The following SLIT3 variants were observed in gnomAD, a reference collection of about 807,000 sequenced individuals.
The protein encoded by SLIT3 is slit homolog 3 protein.
Under a neutral mutation model 184.0 loss-of-function variants are expected in SLIT3, and 68 were observed. The observed-to-expected ratio is 0.37, with a 90% CI of 0.30 to 0.45. SLIT3 has a LOEUF of 0.45. Among genes scored for constraint, SLIT3 ranks in the 20% least tolerant of loss-of-function variants. SLIT3 has a pLI of 1.00. For missense variants in SLIT3, 1,707 were observed against 2,026.0 expected, an observed-to-expected ratio of 0.84 and a Z score of 3.02; for synonymous variants, 831 against 828.6, an observed-to-expected ratio of 1.00 and a Z score of -0.05.
Position 168,711,285 on chromosome 5 carries a change from G to A in SLIT3, c.2556-227C>T, listed in dbSNP as rs530395410. Among the ~76,000 whole-genome samples the A allele has an allele frequency of 5.0e-4, 76 of 152,278 alleles. 1 individual carries two copies. In the South Asian group the frequency reaches 0.013, roughly 25 times the overall value. On this transcript the variant is annotated intron_variant, in intron 24 of 35. Transcript: ENST00000519560. Reference sequence around the variant, plus strand: ...TCCCAGCCCCTTCCACTTCTGAGGCGTGGCTCTCACCTACGCAAGTAAGAC... The same window carrying A: ...TCCCAGCCCCTTCCACTTCTGAGGCATGGCTCTCACCTACGCAAGTAAGAC...
At chr5:168,786,769 C>T (rs1207415176) in intron 11 of SLIT3, among the ~76,000 whole-genome samples, 1 of 152,094 alleles carries the variant, frequency 6.6e-6, no homozygotes, top group Non-Finnish European at 1.5e-5. Flanking sequence ...TTATGCCTGG[C>T]CCTTGCTGGT....
intron 3 of SLIT3, among the ~76,000 whole-genome samples, chr5:169,209,625 G>A (rs959879345): frequency 2.0e-5 from 3 of 152,220 alleles, no homozygotes; most frequent in African/African-American, 7.2e-5. Flanking sequence ...CATAGAAAAG[G>A]ATTAGTTCAC....
rs377582667 is a variant in SLIT3, at chr5:169,238,065, ATGTG to A, written c.341+6636_341+6639del. ...CTGGGCTCGCTATTCTGTCCCGTTG[ATGTG>A]TGTGTCTATTTTTTCACAAATATCA... On this transcript the variant is annotated intron_variant, in intron 3 of 35. Coordinates refer to ENST00000519560, the MANE Select transcript of SLIT3 (RefSeq NM_003062.4). Among the ~76,000 whole-genome samples the A allele has an allele frequency of 2.4e-4, 37 of 152,212 alleles. No homozygotes were observed. The South Asian group carries it at 7.7e-3, about 32-fold the overall frequency.
At chr5:168,961,797 G>T (rs1019815260) in intron 4 of SLIT3, among the ~76,000 whole-genome samples, 7 of 152,058 alleles carry the variant, frequency 4.6e-5, no homozygotes, top group Non-Finnish European at 7.4e-5. Flanking sequence ...CTGTACCATG[G>T]TAGGAACTTT....
chr5:169,282,507 C>T (rs1482544078), intron 1 of SLIT3, among the ~76,000 whole-genome samples: 1 of 152,166 alleles, frequency 6.6e-6, no homozygotes, highest in Non-Finnish European at 1.5e-5. Context: ...CTCCATAGAA[C>T]GTTCTCACAA....
At chr5:168,945,706 G>A (rs1384987965) in intron 4 of SLIT3, among the ~76,000 whole-genome samples, 1 of 152,164 alleles carries the variant, frequency 6.6e-6, no homozygotes, top group Non-Finnish European at 1.5e-5. Flanking sequence ...AAACAATCCC[G>A]ACTGCTTTAG....
At chr5:169,077,263 C>T (rs747212151) in intron 4 of SLIT3, among the ~76,000 whole-genome samples, 26 of 152,224 alleles carry the variant, frequency 1.7e-4, no homozygotes, top group South Asian at 6.2e-4. Context: ...GTAGGCCGGG[C>T]GCGGTGGCTC....
At chr5:168,876,795 A>C (rs1351902694) in intron 5 of SLIT3, among the ~76,000 whole-genome samples, 2 of 152,220 alleles carry the variant, frequency 1.3e-5, no homozygotes, top group South Asian at 2.1e-4. Flanking sequence ...GAAAATGGGA[A>C]TATCATTAGA....
chr5:169,056,227 C>A (rs1317240397), intron 4 of SLIT3, among the ~76,000 whole-genome samples: 1 of 152,132 alleles, frequency 6.6e-6, no homozygotes, highest in Non-Finnish European at 1.5e-5. Context: ...CAGTCAAACC[C>A]TCATTTTTTC....
intron 5 of SLIT3, among the ~76,000 whole-genome samples, chr5:168,868,850 G>T (rs1257606210): frequency 1.3e-5 from 2 of 152,078 alleles, no homozygotes; most frequent in Non-Finnish European, 2.9e-5. Flanking sequence ...GGAAATGAAG[G>T]CTTAGGGAGG....
intron 24 of SLIT3, 74 bp downstream of exon 24, chr5:168,712,209 G>C: frequency 7.7e-7 from 1 of 1,296,864 alleles, no homozygotes; most frequent in Non-Finnish European, 1.1e-6. Context: ...AATGCTGACA[G>C]TGATGACATT....
At position 168,870,222 on chromosome 5, in the gene SLIT3, A is replaced by G. The variant is rs548088939; in HGVS notation, c.485+13043T>C. ...GATGACTGGCTCACGATGTCTTCACATGAGTCTCTAATAATTCTCTTTCCA... is the reference window on the plus strand; with the variant it reads ...GATGACTGGCTCACGATGTCTTCACGTGAGTCTCTAATAATTCTCTTTCCA... On this transcript the variant is annotated intron_variant, in intron 5 of 35. Transcript: ENST00000519560. Among the ~76,000 whole-genome samples the G allele has an allele frequency of 2.0e-4, 30 of 152,370 alleles. 1 individual carries two copies. In the South Asian group the frequency reaches 6.2e-3, roughly 32 times the overall value.
chr5:169,098,350 A>C (rs1308114134), intron 4 of SLIT3, among the ~76,000 whole-genome samples: 1 of 152,156 alleles, frequency 6.6e-6, no homozygotes, highest in Non-Finnish European at 1.5e-5. Flanking sequence ...ACTATGCACA[A>C]TCATAAGCAC....
At chr5:168,836,206 T>C (rs1466321587) in intron 6 of SLIT3, among the ~76,000 whole-genome samples, 1 of 152,200 alleles carries the variant, frequency 6.6e-6, no homozygotes, top group Non-Finnish European at 1.5e-5. Context: ...ATCTTGGGCA[T>C]CCCTGGTGGG....
At chr5:168,702,374 A>G (rs1312237292) in intron 26 of SLIT3, among the ~76,000 whole-genome samples, 1 of 152,216 alleles carries the variant, frequency 6.6e-6, no homozygotes, top group Non-Finnish European at 1.5e-5. Flanking sequence ...AAGATCGCAC[A>G]GCAGTAAGTG....
intron 5 of SLIT3, among the ~76,000 whole-genome samples, chr5:168,875,190 GGGGAAGAGAGAAAGGGGGGAAGA>G (rs1759685764): frequency 7.4e-6 from 1 of 135,124 alleles, no homozygotes; most frequent in African/African-American, 2.8e-5. Context: ...GAAGACAGAG[GGGGAAGAGAGAAAGGGGGGAAGA>G]GGGAAGAGAG....
intron 23 of SLIT3, 133 bp downstream of exon 23, chr5:168,722,122 AG>A (rs1411800496): frequency 1.4e-6 from 1 of 732,780 alleles, no homozygotes; most frequent in Non-Finnish European, 2.4e-6. Flanking sequence ...TGAGCAAATA[AG>A]GGTGCTGGGT....
At chr5:169,087,502 T>C (rs1561655922) in intron 4 of SLIT3, among the ~76,000 whole-genome samples, 2 of 152,176 alleles carry the variant, frequency 1.3e-5, no homozygotes, top group South Asian at 2.1e-4. Flanking sequence ...CTCTGCACAT[T>C]TGGGGAGCTT....
chr5:169,032,197 G>T (rs1757052229), intron 4 of SLIT3, among the ~76,000 whole-genome samples: 1 of 152,106 alleles, frequency 6.6e-6, no homozygotes, highest in African/African-American at 2.4e-5. Context: ...TGAAAATACA[G>T]GATGTCATTA....
Sources: gnomAD v4.1 joint callset for allele counts (sites outside exome capture counted in the v4.1 genomes callset) on GRCh38, gnomAD v4.1.1 for gene constraint, MANE v1.5 for transcripts, NCBI Gene and HGNC (gene_info 2026-07-23, HGNC 2026-07-21) for gene names.